DDX54: variants seen among roughly 807,000 people sequenced by gnomAD.
DDX54 encodes the protein ATP-dependent RNA helicase DDX54.
DDX54 carries 67 observed loss-of-function variants against 105.5 expected under a neutral mutation model. The observed-to-expected ratio is 0.64, with a 90% confidence interval of 0.52 to 0.78. The LOEUF is 0.78. Among genes scored for constraint, DDX54 ranks in the 30% least tolerant of loss-of-function variants. The pLI is 0.00. For synonymous variants in DDX54, 514 were observed against 509.9 expected, an observed-to-expected ratio of 1.01 and a Z score of -0.11; for missense variants, 1,206 against 1,230.5, an observed-to-expected ratio of 0.98 and a Z score of 0.30.
Position 113,164,054 on chromosome 12 carries a change from G to C in DDX54, c.1938+13C>G. 6.5e-7 allele frequency: 1 copy of C among 1,539,840 alleles called. No individual in the cohort carries two copies. The highest frequency in any genetic ancestry group is 8.8e-7 in the Non-Finnish European group (1 of 1,138,942). ...ATACCCCAGGTCCAGGGTCCCCAGG[G>C]TGGAACCTGTACCTCCACACTCTCT... On this transcript the variant is annotated intron_variant, in intron 15 of 19. Coordinates refer to ENST00000306014, the MANE Select transcript of DDX54 (RefSeq NM_024072.4).
chr12:113,177,797 A>C (rs1270740013), intron 5 of DDX54, among the ~76,000 whole-genome samples: 1 of 152,222 alleles, frequency 6.6e-6, no homozygotes, highest in African/African-American at 2.4e-5. Context: ...GCCAAACTCT[A>C]ACCTGTCACT....
chr12:113,185,435 C>T lies in DDX54; in HGVS notation c.17G>A (p.Gly6Asp). 2.0e-6 allele frequency: 3 copies of T among 1,512,940 alleles called. No homozygotes were observed. The highest frequency in any genetic ancestry group is 1.8e-4 in the Middle Eastern group (1 of 5,480). 93.7% of individuals were successfully genotyped at this position (1,512,940 alleles called of 1,614,324 possible). A position where few individuals can be genotyped will look rare whatever the true frequency, so the allele number is the denominator to read the frequency against. Residue 6 changes from glycine to aspartate, a missense_variant, in exon 1 of 20, where the codon GGC becomes GAC. Coordinates refer to ENST00000306014, the MANE Select transcript of DDX54 (RefSeq NM_024072.4). Reference protein sequence around the residue: MAADKGPAAGPRSRAA... With the variant: MAADKDPAAGPRSRAA... ...TCGCGACCGAGGTCCAGCCGCCGGGCCCTTGTCGGCCGCCATTCGGGCCGC... is the reference window on the plus strand; with the variant it reads ...TCGCGACCGAGGTCCAGCCGCCGGGTCCTTGTCGGCCGCCATTCGGGCCGC...
Position 113,158,309 on chromosome 12 carries a change from G to T in DDX54, c.*568C>A, listed in dbSNP as rs1952160513. 6.5e-6 allele frequency: 1 copy of T among 153,266 alleles called. No individual in the cohort carries two copies. The highest frequency in any genetic ancestry group is 1.5e-5 in the Non-Finnish European group (1 of 68,806). The allele number at this position is 153,266 out of a possible 1,614,324, so 9.5% of individuals were successfully genotyped here. ...CAACCATGTCCAGTGGGAGGAAGGG[G>T]GACCAACTCCCGCCTCTGGCACCTG... On this transcript the variant is annotated 3_prime_UTR_variant, in exon 20 of 20. Transcript: ENST00000306014. This position sits in a 1 kb window ranked among gnomAD's most constrained non-coding sequence, Gnocchi z 4.9.
intron 14 of DDX54, among the ~76,000 whole-genome samples, chr12:113,164,932 T>C (rs1207155758): frequency 6.7e-6 from 1 of 149,242 alleles, no homozygotes; most frequent in Non-Finnish European, 1.5e-5. Flanking sequence ...GAGGCTGAGA[T>C]AGGAGGATCG....
At chr12:113,165,513 C>CT in intron 14 of DDX54, 131 bp downstream of exon 14, 1 of 952,446 alleles carries the variant, frequency 1.0e-6, no homozygotes, top group Non-Finnish European at 1.5e-6. Context: ...TGGGGTCCTG[C>CT]TGGGGGTCAG....
Position 113,157,565 on chromosome 12 carries a change from TG to T in DDX54, c.*1311del. ...AGGGGTGGGGGCTGGACAGTGACTC[TG>T]GGGCTGGGATGTGACTTCGTGCTGG... On this transcript the variant is annotated 3_prime_UTR_variant, in exon 20 of 20. Transcript: ENST00000306014. The T allele has an allele frequency of 6.5e-7, 1 of 1,540,406 alleles. No homozygotes were observed. The highest frequency in any genetic ancestry group is 1.2e-5 in the South Asian group (1 of 83,834).
At chr12:113,162,029 G>C (rs1283687998) in intron 17 of DDX54, 32 bp from the exon 18 acceptor site, 1 of 1,605,730 alleles carries the variant, frequency 6.2e-7, no homozygotes. Context: ...CGGCTGCCGT[G>C]GAGGGAAACC....
chr12:113,161,154 C>A (rs1023894041), intron 19 of DDX54, 116 bp downstream of exon 19: 2 of 735,530 alleles, frequency 2.7e-6, no homozygotes, highest in African/African-American at 3.6e-5. Flanking sequence ...CATACCCCAA[C>A]ACACCCAGCT....
At chr12:113,161,169 G>A (rs905323599) in intron 19 of DDX54, 101 bp downstream of exon 19, 2 of 881,034 alleles carry the variant, frequency 2.3e-6, no homozygotes, top group African/African-American at 3.4e-5. Context: ...CCAGCTCTGG[G>A]GCTCTGCAGT....
At chr12:113,185,076 A>T (rs1952512297) in intron 1 of DDX54, among the ~76,000 whole-genome samples, 1 of 152,202 alleles carries the variant, frequency 6.6e-6, no homozygotes, top group African/African-American at 2.4e-5. Context: ...CGGGATCCCA[A>T]GGCTCTGGCC....
chr12:113,184,015 C>T (rs1479907482), intron 1 of DDX54, among the ~76,000 whole-genome samples: 1 of 152,126 alleles, frequency 6.6e-6, no homozygotes, highest in Non-Finnish European at 1.5e-5. Flanking sequence ...GGTGCAATAT[C>T]GGCTCACTGC....
Position 113,164,176 on chromosome 12 carries a change from C to T in DDX54, c.1829G>A (p.Gly610Glu). ...TGGGCCCTCCTGCTGCTCCTGCCGC[C>T]CCTGCTGTCCCTGCTGGAAGCGGGC... ...AIARFQQGQQ[G>E]RQEQQEGPVG... The change falls in exon 15 of 20, where the codon GGG becomes GAG. Residue 610 changes from glycine (G) to glutamate (E), a missense_variant. This residue lies in a region of DDX54 where 961 missense variants were observed against 1,019.1 expected (regional missense o/e 0.94). Transcript: ENST00000306014. 1.3e-6 allele frequency: 2 copies of T among 1,561,008 alleles called. No individual in the cohort carries two copies. The highest frequency in any genetic ancestry group is 1.7e-6 in the Non-Finnish European group (2 of 1,153,662).
In DDX54 at chr12:113,157,641, G is replaced by C. The variant is rs763023498; in HGVS notation, c.*1236C>G. 1.3e-6 allele frequency: 2 copies of C among 1,551,634 alleles called. No individual in the cohort carries two copies. Among genetic ancestry groups the C allele is most frequent in the Non-Finnish European group, 1.7e-6 (2 of 1,147,000 alleles). On this transcript the variant is annotated 3_prime_UTR_variant, in exon 20 of 20. Transcript: ENST00000306014. The stretch of plus-strand genomic sequence containing the variant: ...GCAGGACCTCTCTGCCATGCTGGCC[G>C]GCCTGGGTCAGGCTGAGCCTGCAGC...
Position 113,161,380 on chromosome 12 carries a change from T to C in DDX54, c.2303A>G (p.Tyr768Cys). The C allele has an allele frequency of 1.2e-6, 2 of 1,611,706 alleles. No homozygotes were observed. Among genetic ancestry groups the C allele is most frequent in the South Asian group, 1.1e-5 (1 of 90,656 alleles). ...YISSSYKRDL[Y>C]QKWKQKQKID... ...TTTCTGTTTCTGTTTCCACTTCTGA[T>C]AGCTGGGAAACCTCGTTAAGGAAGC... Residue 768 changes from tyrosine to cysteine, a missense_variant and splice_region_variant, in exon 19 of 20, where the codon TAT becomes TGT. Coordinates refer to ENST00000306014, the MANE Select transcript of DDX54 (RefSeq NM_024072.4).
At chr12:113,164,470 T>G (rs1342016632) in intron 14 of DDX54, among the ~76,000 whole-genome samples, 185 bp from the exon 15 acceptor site, 1 of 152,128 alleles carries the variant, frequency 6.6e-6, no homozygotes, top group Non-Finnish European at 1.5e-5. Flanking sequence ...TCCCAGCACT[T>G]GAGGAGGCTG....
Position 113,162,008 on chromosome 12 carries a change from G to C in DDX54, c.2196-11C>G, listed in dbSNP as rs1279387197. 3 of 1,611,958 alleles carry C rather than the reference G, an allele frequency of 1.9e-6. No homozygotes were observed. The highest frequency in any genetic ancestry group is 1.7e-6 in the Non-Finnish European group (2 of 1,179,674). On this transcript the variant is annotated splice_polypyrimidine_tract_variant and intron_variant, in intron 17 of 19. Transcript: ENST00000306014. Reference sequence around the variant, plus strand: ...TTCTTCTTACGGTCCCTGCAGGAGAGGGAGTTGGGACGGCTGCCGTGGAGG... The same window carrying C: ...TTCTTCTTACGGTCCCTGCAGGAGACGGAGTTGGGACGGCTGCCGTGGAGG...
At position 113,179,288 on chromosome 12, in the gene DDX54, G is replaced by A; in HGVS notation, c.419C>T (p.Ala140Val). 6.2e-7 allele frequency: 1 copy of A among 1,613,958 alleles called. No individual in the cohort carries two copies. The highest frequency in any genetic ancestry group is 8.5e-7 in the Non-Finnish European group (1 of 1,180,020). The stretch of plus-strand genomic sequence containing the variant: ...GGCTGTCTTGCCACTGCCCGTCCGG[G>A]CCATGGCCACCACGTCCTTGCCATC... ...ILDGKDVVAM[A>V]RTGSGKTACF... The change falls in exon 4 of 20, where the codon GCC becomes GTC. Residue 140 changes from alanine to valine, a missense_variant. Physicochemically the swap from Ala to Val is moderately conservative, Grantham distance 64. This residue lies in a region of DDX54 where 33 missense variants were observed against 56.0 expected (regional missense o/e 0.59). Transcript: ENST00000306014.
At position 113,164,211 on chromosome 12, in the gene DDX54, G is replaced by T; in HGVS notation, c.1794C>A (p.Arg598=). 1 of 1,584,178 alleles carries T rather than the reference G, an allele frequency of 6.3e-7. No homozygotes were observed. The change falls in exon 15 of 20, where the codon CGC becomes CGA. Residue 598 remains arginine, a synonymous_variant. Transcript: ENST00000306014. ...QVMRAKRQKD[R]KAIARFQQGQ... Reference sequence around the variant, plus strand: ...CCTGCTGGAAGCGGGCGATGGCCTTGCGGTCCTTCTGCCGCTTGGCGCGCA... The same window carrying T: ...CCTGCTGGAAGCGGGCGATGGCCTTTCGGTCCTTCTGCCGCTTGGCGCGCA...
At chr12:113,159,829 A>T (rs1164271289) in intron 19 of DDX54, among the ~76,000 whole-genome samples, 1 of 151,678 alleles carries the variant, frequency 6.6e-6, no homozygotes, top group African/African-American at 2.4e-5. Context: ...GGCAAGCACC[A>T]CCCTCCCTGG....
Sources: gnomAD v4.1 joint callset for allele counts (sites outside exome capture counted in the v4.1 genomes callset) on GRCh38, gnomAD v4.1.1 for gene constraint, gnomAD v4.1.1 regional missense constraint, Gnocchi (gnomAD v3.1) non-coding constraint, MANE v1.5 for transcripts, NCBI Gene and HGNC (gene_info 2026-07-23, HGNC 2026-07-21) for gene names.